Variants in CNTN4 observed in about 807,000 individuals in gnomAD.
The protein encoded by CNTN4 is contactin-4.
In CNTN4, 77 loss-of-function variants were observed where a neutral mutation model predicts 122.5. The observed-to-expected ratio is 0.63, with a 90% CI of 0.52 to 0.76. The LOEUF (loss-of-function observed/expected upper bound fraction) is 0.76. Among genes scored for constraint, CNTN4 ranks in the 30% least tolerant of loss-of-function variants. The probability of loss-of-function intolerance (pLI) is 0.00; values close to 1 mark genes in which losing one functional copy is unlikely to be tolerated. For missense variants in CNTN4, 1,256 were observed against 1,259.1 expected, an observed-to-expected ratio of 1.00 and a Z score of 0.04; for synonymous variants, 512 against 447.0, an observed-to-expected ratio of 1.15 and a Z score of -1.83.
intron 4 of CNTN4, among the ~76,000 whole-genome samples, chr3:2,640,477 C>T (rs574254554): frequency 2.0e-4 from 30 of 152,182 alleles, no homozygotes; most frequent in African/African-American, 6.3e-4. Context: ...GGAAAGAATA[C>T]GATAAACAAG....
At chr3:2,728,757 G>C (rs1488552723) in intron 4 of CNTN4, among the ~76,000 whole-genome samples, 2 of 152,084 alleles carry the variant, frequency 1.3e-5, no homozygotes, top group African/African-American at 2.4e-5. Flanking sequence ...GTCTTCCCTG[G>C]CTGGTATTCT....
intron 7 of CNTN4, among the ~76,000 whole-genome samples, chr3:2,831,207 G>C (rs981296376): frequency 6.6e-6 from 1 of 152,132 alleles, no homozygotes; most frequent in African/African-American, 2.4e-5. Context: ...TAGGATTAAA[G>C]CTTTTGATTC....
intron 2 of CNTN4, among the ~76,000 whole-genome samples, chr3:2,264,668 GC>G (rs1391773045): frequency 2.6e-5 from 4 of 151,500 alleles, no homozygotes; most frequent in Non-Finnish European, 5.9e-5. Flanking sequence ...TGTTTTTGTT[GC>G]CTGTGCTTTT....
chr3:2,425,718 C>T (rs543238211), intron 3 of CNTN4, among the ~76,000 whole-genome samples: 64 of 151,992 alleles, frequency 4.2e-4, no homozygotes, highest in African/African-American at 1.4e-3. Flanking sequence ...GAATGTTCTT[C>T]CATTTCTGTC....
intron 3 of CNTN4, among the ~76,000 whole-genome samples, chr3:2,439,924 A>AG: frequency 6.6e-6 from 1 of 152,154 alleles, no homozygotes; most frequent in Non-Finnish European, 1.5e-5. Flanking sequence ...TTTGAAAAAA[A>AG]ATCTTTGGGA....
chr3:2,716,836 A>G (rs1458423650), intron 4 of CNTN4, among the ~76,000 whole-genome samples: 1 of 152,018 alleles, frequency 6.6e-6, no homozygotes, highest in African/African-American at 2.4e-5. Flanking sequence ...GTGTCTATGT[A>G]TTTGCCTATT....
At position 2,659,926 on chromosome 3, in the gene CNTN4, A is replaced by G. The variant is rs960473799; in HGVS notation, c.56-76289A>G. ...CATCGAACTGGAAACCTGGTCAGGG[A>G]TTGTGTGAACAGCTTCATTTTCTCA... is the stretch of plus-strand genomic sequence containing the variant. On this transcript the variant is annotated intron_variant, in intron 4 of 24. Transcript: ENST00000418658. Among the ~76,000 whole-genome samples, 5 of 152,348 alleles carry G rather than the reference A, an allele frequency of 3.3e-5. No homozygotes were observed. The South Asian group carries it at 1.0e-3, about 32-fold the overall frequency.
chr3:2,634,676 G>GAAAA (rs10655083), intron 4 of CNTN4, among the ~76,000 whole-genome samples: 139 of 134,644 alleles, frequency 1.0e-3, no homozygotes, highest in African/African-American at 3.6e-3. Context: ...TAAAAATACA[G>GAAAA]AAAAAAAAAA....
At chr3:2,401,744 T>C (rs1210646371) in intron 3 of CNTN4, among the ~76,000 whole-genome samples, 4 of 152,272 alleles carry the variant, frequency 2.6e-5, no homozygotes, top group African/African-American at 7.2e-5. Flanking sequence ...TAGCTAATAA[T>C]AGATTGCTCT....
chr3:2,801,851 T>C (rs13060537), intron 6 of CNTN4, among the ~76,000 whole-genome samples: 3,863 of 152,254 alleles, frequency 0.025, 89 homozygotes, highest in Non-Finnish European at 0.042. Context: ...CTTTTCTGAG[T>C]TTCAAATATT....
In CNTN4 at chr3:2,194,960, C is replaced by CTA. The variant is rs138800960; in HGVS notation, c.-145+94333_-145+94334dup. On this transcript the variant is annotated intron_variant, in intron 2 of 24. Transcript: ENST00000418658. ...TACTTGGTTGCTGCAGTCCTGGAAA[C>CTA]TATATATATATATTTAGATTGTAGT... is the stretch of plus-strand genomic sequence containing the variant. Among the ~76,000 whole-genome samples the CTA allele has an allele frequency of 1.1e-4, 17 of 151,970 alleles. No individual in the cohort carries two copies. In the East Asian group the frequency reaches 1.5e-3, roughly 14 times the overall value.
intron 20 of CNTN4, 148 bp downstream of exon 20, chr3:3,040,419 C>T (rs564271973): frequency 2.2e-5 from 15 of 694,364 alleles, no homozygotes; most frequent in East Asian, 5.5e-5. Flanking sequence ...CAATTTGGTT[C>T]GCTGTCCACC....
chr3:2,911,643 C>T (rs1577241394), intron 12 of CNTN4, among the ~76,000 whole-genome samples: 1 of 151,976 alleles, frequency 6.6e-6, no homozygotes, highest in South Asian at 2.1e-4. Context: ...CATAAAGACG[C>T]TCAAGGAATT....
chr3:2,150,644 C>A (rs2035456838), intron 2 of CNTN4, among the ~76,000 whole-genome samples: 1 of 152,220 alleles, frequency 6.6e-6, no homozygotes, highest in Admixed American at 6.5e-5. Context: ...TGCATGTTTT[C>A]TTATTGAGGA....
chr3:2,615,197 A>G (rs1383010015), intron 4 of CNTN4, among the ~76,000 whole-genome samples: 1 of 152,222 alleles, frequency 6.6e-6, no homozygotes, highest in Non-Finnish European at 1.5e-5. Context: ...AATAGTCTGT[A>G]TCATATTAAT....
chr3:2,869,156 G>A (rs1400344012), intron 8 of CNTN4, among the ~76,000 whole-genome samples: 4 of 152,170 alleles, frequency 2.6e-5, no homozygotes, highest in East Asian at 1.9e-4. Flanking sequence ...ATTTTACTTC[G>A]AGTGCAGCGA....
At chr3:2,120,512 C>G (rs1049873140) in intron 2 of CNTN4, among the ~76,000 whole-genome samples, 2 of 149,748 alleles carry the variant, frequency 1.3e-5, no homozygotes, top group African/African-American at 5.0e-5. Flanking sequence ...AAGCAATTCT[C>G]CTGTCTCAGC....
intron 3 of CNTN4, among the ~76,000 whole-genome samples, chr3:2,554,075 C>T (rs2078622613): frequency 6.6e-6 from 1 of 152,120 alleles, no homozygotes; most frequent in African/African-American, 2.4e-5. Context: ...AAACCTTGTT[C>T]AGCTTTACTC....
intron 7 of CNTN4, among the ~76,000 whole-genome samples, chr3:2,864,947 A>G (rs4283563): frequency 0.71 from 107,904 of 151,258 alleles, 38,532 homozygotes; most frequent in East Asian, 0.79. Flanking sequence ...CTGATAGATT[A>G]CTAGGTTTGC....
Sources: allele counts gnomAD v4.1 joint callset (sites outside exome capture counted in the v4.1 genomes callset), GRCh38; gene constraint gnomAD v4.1.1; transcripts MANE v1.5; gene names NCBI Gene and HGNC (gene_info 2026-07-23, HGNC 2026-07-21).